Variants in AGBL4 observed in about 807,000 individuals in gnomAD.
AGBL4 encodes the protein AGBL carboxypeptidase 4.
Under a neutral mutation model 66.4 loss-of-function variants are expected in AGBL4, and 58 were observed. That is an observed-to-expected ratio of 0.87 (90% CI 0.71 to 1.09). The LOEUF is 1.09. AGBL4 is among the 50% of genes least tolerant of loss of function. The probability of loss-of-function intolerance (pLI) is 0.00; values close to 1 mark genes in which losing one functional copy is unlikely to be tolerated. For missense variants in AGBL4, 579 were observed against 631.0 expected (o/e 0.92, Z 0.88); for synonymous variants, 234 against 222.9 (o/e 1.05, Z -0.44).
intron 4 of AGBL4, among the ~76,000 whole-genome samples, chr1:49,071,133 T>C (rs1644595577): frequency 6.6e-6 from 1 of 151,936 alleles, no homozygotes; most frequent in African/African-American, 2.4e-5. Flanking sequence ...TTATTCTCTC[T>C]TTTCTTCTTT....
chr1:48,689,526 T>G (rs1224221322), intron 6 of AGBL4, among the ~76,000 whole-genome samples: 1 of 149,478 alleles, frequency 6.7e-6, no homozygotes, highest in East Asian at 2.1e-4. Flanking sequence ...TTTCCTTCCT[T>G]TCTTTATTTT....
rs557551280 is a variant in AGBL4, at chr1:49,827,791, G to A, written c.157+23605C>T. On this transcript the variant is annotated intron_variant, in intron 2 of 13. Transcript: ENST00000371839. ...CTGGCATGAGCATCATACAAGTCAT[G>A]CACAGTAGGATCATATAGAGAGCCA... is the stretch of plus-strand genomic sequence containing the variant. Among the ~76,000 whole-genome samples the A allele has an allele frequency of 4.6e-5, 7 of 152,288 alleles. No homozygotes were observed. In the South Asian group the frequency reaches 1.4e-3, roughly 32 times the overall value.
intron 3 of AGBL4, among the ~76,000 whole-genome samples, chr1:49,620,758 G>A (rs999167614): frequency 1.3e-5 from 2 of 152,046 alleles, no homozygotes; most frequent in Admixed American, 1.3e-4. Context: ...AGTGCCTGGT[G>A]AATAACAGGT....
chr1:49,809,695 A>T (rs961417853), intron 2 of AGBL4, among the ~76,000 whole-genome samples: 4 of 152,314 alleles, frequency 2.6e-5, no homozygotes, highest in Non-Finnish European at 5.9e-5. Context: ...ATAACTTCAT[A>T]TAAATAATGC....
chr1:49,846,326 G>A, intron 2 of AGBL4: 1 of 1,530,784 alleles, frequency 6.5e-7, no homozygotes, highest in Non-Finnish European at 9.0e-7. Context: ...GAAGCCATAT[G>A]CATGCAGGGA....
At chr1:49,829,444 A>C (rs1444344356) in intron 2 of AGBL4, among the ~76,000 whole-genome samples, 1 of 152,160 alleles carries the variant, frequency 6.6e-6, no homozygotes, top group African/African-American at 2.4e-5. Flanking sequence ...AGGAATCAAA[A>C]ACTAAAACAA....
At chr1:49,608,389 T>C (rs1030578865) in intron 3 of AGBL4, among the ~76,000 whole-genome samples, 10 of 152,134 alleles carry the variant, frequency 6.6e-5, no homozygotes, top group African/African-American at 2.4e-4. Flanking sequence ...ATGACAAGCC[T>C]TTCAGCATGT....
Position 48,678,173 on chromosome 1 carries a change from C to A in AGBL4, c.635-14932G>T, listed in dbSNP as rs116435157. ...GGCCTTCTCAGCACAGCCAGCACCA[C>A]GGTGGGGTAACTGCACAGCTGCTGG... On this transcript the variant is annotated intron_variant, in intron 6 of 13. Coordinates refer to ENST00000371839, the MANE Select transcript of AGBL4 (RefSeq NM_032785.4). 2.0e-5 allele frequency among the ~76,000 whole-genome samples: 3 copies of A among 152,268 alleles called. No individual in the cohort carries two copies. In the East Asian group the frequency reaches 5.8e-4, roughly 29 times the overall value.
At chr1:48,782,497 G>C (rs890249754) in intron 6 of AGBL4, among the ~76,000 whole-genome samples, 3 of 152,146 alleles carry the variant, frequency 2.0e-5, no homozygotes, top group Non-Finnish European at 2.9e-5. Flanking sequence ...ATTGGAGCGT[G>C]CCTTTTCAAC....
intron 3 of AGBL4, among the ~76,000 whole-genome samples, chr1:49,595,275 G>C (rs1349929889): frequency 1.3e-5 from 2 of 151,972 alleles, no homozygotes; most frequent in South Asian, 2.1e-4. Context: ...ATTTTTAGTA[G>C]AGACGGGGTT....
intron 4 of AGBL4, among the ~76,000 whole-genome samples, chr1:49,146,786 A>T (rs187914073): frequency 8.5e-5 from 13 of 152,358 alleles, no homozygotes; most frequent in Admixed American, 8.5e-4. Flanking sequence ...TAGCCCTATG[A>T]TTGGGCTTCA....
chr1:49,671,875 A>G (rs1219539192), intron 3 of AGBL4, among the ~76,000 whole-genome samples: 1 of 152,196 alleles, frequency 6.6e-6, no homozygotes, highest in Non-Finnish European at 1.5e-5. Flanking sequence ...GAACCCTTAT[A>G]CACTGTTGAT....
At chr1:49,766,645 A>T (rs866091374) in intron 2 of AGBL4, among the ~76,000 whole-genome samples, 1 of 143,006 alleles carries the variant, frequency 7.0e-6, no homozygotes, top group South Asian at 2.2e-4. Context: ...AAGCTGGATT[A>T]AAAAAAAAAA....
At chr1:49,973,554 A>AT (rs1658310193) in intron 1 of AGBL4, among the ~76,000 whole-genome samples, 1 of 149,310 alleles carries the variant, frequency 6.7e-6, no homozygotes. Context: ...TGATTTCTCT[A>AT]TTTTACATAT....
chr1:48,642,303 A>T (rs149257678), intron 8 of AGBL4, among the ~76,000 whole-genome samples: 206 of 152,312 alleles, frequency 1.4e-3, no homozygotes, highest in African/African-American at 4.9e-3. Context: ...ACTGGGGACA[A>T]GGGCGCTCAG....
At chr1:49,358,830 C>T (rs1286869164) in intron 3 of AGBL4, among the ~76,000 whole-genome samples, 1 of 152,032 alleles carries the variant, frequency 6.6e-6, no homozygotes, top group Admixed American at 6.6e-5. Context: ...TGAAGAACCA[C>T]ATTTATTGAC....
At chr1:49,737,989 G>C (rs1375939956) in intron 2 of AGBL4, among the ~76,000 whole-genome samples, 1 of 152,168 alleles carries the variant, frequency 6.6e-6, no homozygotes, top group Admixed American at 6.5e-5. Flanking sequence ...AGTGGGTGCA[G>C]TGCACCGAGC....
chr1:49,244,001 C>T (rs1333051918), intron 4 of AGBL4, among the ~76,000 whole-genome samples: 1 of 151,716 alleles, frequency 6.6e-6, no homozygotes, highest in Non-Finnish European at 1.5e-5. Flanking sequence ...AATCCAAAAG[C>T]AAGGACCCAA....
At chr1:49,209,692 T>C (rs776491912) in intron 4 of AGBL4, among the ~76,000 whole-genome samples, 16 of 152,084 alleles carry the variant, frequency 1.1e-4, no homozygotes, top group South Asian at 6.2e-4. Context: ...CTGGGAACTT[T>C]ATTAAGATTT....
Sources: gnomAD v4.1 joint callset for allele counts (sites outside exome capture counted in the v4.1 genomes callset) on GRCh38, gnomAD v4.1.1 for gene constraint, MANE v1.5 for transcripts, NCBI Gene and HGNC (gene_info 2026-07-23, HGNC 2026-07-21) for gene names.